The following RHCG variants were observed in gnomAD, a reference collection of about 807,000 sequenced individuals.
The protein encoded by RHCG is ammonium transporter Rh type C.
RHCG carries 39 observed loss-of-function variants against 55.3 expected under a neutral mutation model. The observed-to-expected ratio is 0.70, with a 90% CI of 0.55 to 0.92. The LOEUF is 0.92. Ranked by LOEUF, RHCG falls within the 40% of genes least tolerant of loss-of-function variation. The probability of loss-of-function intolerance (pLI) is 0.00; values close to 1 mark genes in which losing one functional copy is unlikely to be tolerated. For missense variants in RHCG, 635 were observed against 627.9 expected (o/e 1.01, Z -0.12); for synonymous variants, 250 against 246.8 (o/e 1.01, Z -0.12).
chr15:89,477,330 C>A lies in RHCG; in HGVS notation c.1113-124G>T, dbSNP rs116073339. The A allele has an allele frequency of 2.8e-6, 4 of 1,430,692 alleles. No homozygotes were observed. In the African/African-American group the frequency reaches 4.2e-5, roughly 15 times the overall value. The allele number at this position is 1,430,692 out of a possible 1,614,324, so 88.6% of individuals were successfully genotyped here. ...CTTCCCACCCACAACATGGGGACAC[C>A]GGACATATCAGTTGGCCTCTAAAAC... On this transcript the variant is annotated intron_variant, in intron 7 of 10. Transcript: ENST00000268122. The surrounding 1 kb of genome is among the most constrained non-coding windows in gnomAD (Gnocchi z 4.5).
chr15:89,478,668 CTGTG>C (rs1050718603), intron 5 of RHCG, among the ~76,000 whole-genome samples: 2 of 152,314 alleles, frequency 1.3e-5, no homozygotes, highest in African/African-American at 4.8e-5. Flanking sequence ...GTGTGCCAGT[CTGTG>C]TGTCTGATTC....
chr15:89,472,484 C>A (rs1014587573), intron 10 of RHCG, among the ~76,000 whole-genome samples: 1 of 152,200 alleles, frequency 6.6e-6, no homozygotes, highest in African/African-American at 2.4e-5. Context: ...TCCTTCCAGG[C>A]CCTTGTGCCT....
chr15:89,483,504 T>C (rs1961306448), intron 2 of RHCG, among the ~76,000 whole-genome samples: 1 of 152,114 alleles, frequency 6.6e-6, no homozygotes, highest in African/African-American at 2.4e-5. Flanking sequence ...CACCATGTGG[T>C]CTGGTTGCTA....
Position 89,472,828 on chromosome 15 carries a change from C to T in RHCG, c.1347G>A (p.Glu449=). 1 of 1,545,924 alleles carries T rather than the reference C, an allele frequency of 6.5e-7. No homozygotes were observed. The highest frequency in any genetic ancestry group is 2.5e-5 in the East Asian group (1 of 40,766). The change falls in exon 10 of 11, where the codon GAG becomes GAA. Residue 449 remains glutamate (E), a synonymous_variant. Transcript: ENST00000268122. ...GTCCTGAGGGCTTGAAGGTGGGGTCCTCAGGGATGTAGACAGTGCTGTTCC... is the reference window on the plus strand; with the variant it reads ...GTCCTGAGGGCTTGAAGGTGGGGTCTTCAGGGATGTAGACAGTGCTGTTCC... ...PEGNSTVYIP[E]DPTFKPSGPS... is the part of the protein sequence containing the mutation.
chr15:89,492,602 C>T (rs1463717295), intron 1 of RHCG, among the ~76,000 whole-genome samples: 1 of 152,226 alleles, frequency 6.6e-6, no homozygotes, highest in Admixed American at 6.5e-5. Flanking sequence ...GGGGGCTTGG[C>T]TCTGACCCTG....
At position 89,477,906 on chromosome 15, in the gene RHCG, C is replaced by T; in HGVS notation, c.906G>A (p.Met302Ile). ...AGCCGATGATGAGGGCACCGTAAGG[C>T]ATGAGCATCATCTCAGCAGCGGTAC... ...AVGTAAEMMLMPYGALIIGFV... is the reference protein window; with the variant it reads ...AVGTAAEMMLIPYGALIIGFV... Residue 302 changes from methionine (M) to isoleucine (I), a missense_variant, in exon 6 of 11, where the codon ATG becomes ATA. Transcript: ENST00000268122. The surrounding 1 kb of genome is among the most constrained non-coding windows in gnomAD (Gnocchi z 4.5). The T allele has an allele frequency of 8.1e-6, 13 of 1,614,054 alleles. No homozygotes were observed. The highest frequency in any genetic ancestry group is 1.1e-5 in the Non-Finnish European group (13 of 1,179,982).
In RHCG at chr15:89,487,065, G is replaced by C. The variant is rs528694140; in HGVS notation, c.185-80C>G. The C allele has an allele frequency of 4.5e-6, 6 of 1,335,042 alleles. No homozygotes were observed. The East Asian group carries it at 1.4e-4, about 30-fold the overall frequency. 82.7% of individuals were successfully genotyped at this position (1,335,042 alleles called of 1,614,324 possible). A position where few individuals can be genotyped will look rare whatever the true frequency, so the allele number is the denominator to read the frequency against. On this transcript the variant is annotated intron_variant, in intron 1 of 10. Coordinates refer to ENST00000268122, the MANE Select transcript of RHCG (RefSeq NM_016321.3). ...CCTGGGTCTGGGCCAGGAAGGCCGG[G>C]GTAGCCCCTCAGTCTTCCCCGCCAC...
chr15:89,478,280 C>T (rs1244091570), intron 5 of RHCG, among the ~76,000 whole-genome samples: 1 of 152,154 alleles, frequency 6.6e-6, no homozygotes, highest in East Asian at 1.9e-4. Flanking sequence ...TTATGTATAC[C>T]ATGTATACCT....
At chr15:89,496,279 G>A (rs1419715094) in intron 1 of RHCG, 82 bp downstream of exon 1, 3 of 1,451,118 alleles carry the variant, frequency 2.1e-6, no homozygotes, top group Non-Finnish European at 2.9e-6. Flanking sequence ...CCCCTCCTCT[G>A]CCCAGCTCTG....
intron 1 of RHCG, among the ~76,000 whole-genome samples, chr15:89,488,506 C>T (rs1274923409): frequency 6.6e-6 from 1 of 152,208 alleles, no homozygotes. Flanking sequence ...ATTAATATCA[C>T]TCATGCCTCC....
At chr15:89,486,163 C>A in intron 2 of RHCG, 2 of 427,002 alleles carry the variant, frequency 4.7e-6, no homozygotes, top group South Asian at 1.7e-5. Flanking sequence ...GAGGAGGGGG[C>A]AGGGCTTCAG....
chr15:89,485,213 T>A (rs1404287043), intron 2 of RHCG, among the ~76,000 whole-genome samples: 1 of 152,228 alleles, frequency 6.6e-6, no homozygotes, highest in Non-Finnish European at 1.5e-5. Context: ...TTAAAAAAAA[T>A]TCATTTAGCC....
At position 89,477,871 on chromosome 15, in the gene RHCG, C is replaced by T; in HGVS notation, c.941G>A (p.Gly314Asp). The change falls in exon 6 of 11, where the codon GGC becomes GAC. Residue 314 changes from glycine (G) to aspartate (D), a missense_variant. Coordinates refer to ENST00000268122, the MANE Select transcript of RHCG (RefSeq NM_016321.3). The surrounding 1 kb of genome is among the most constrained non-coding windows in gnomAD (Gnocchi z 4.5). The part of the protein sequence containing the change: ...YGALIIGFVC[G>D]IISTLGFVYL... ...TACAAAACCCAGGGTGGAGATGATGCCGCAGACGAAGCCGATGATGAGGGC... is the reference window on the plus strand; with the variant it reads ...TACAAAACCCAGGGTGGAGATGATGTCGCAGACGAAGCCGATGATGAGGGC... 2 of 1,614,112 alleles carry T rather than the reference C, an allele frequency of 1.2e-6. No homozygotes were observed. Among genetic ancestry groups the T allele is most frequent in the Middle Eastern group, 3.3e-4 (2 of 6,062 alleles).
rs778884446 is a variant in RHCG, at chr15:89,477,864, G to A, written c.948C>T (p.Ile316=). Residue 316 remains isoleucine, a synonymous_variant, in exon 6 of 11, where the codon ATC becomes ATT. Transcript: ENST00000268122. The surrounding 1 kb of genome is among the most constrained non-coding windows in gnomAD (Gnocchi z 4.5). ...TCAGGTATACAAAACCCAGGGTGGA[G>A]ATGATGCCGCAGACGAAGCCGATGA... ...ALIIGFVCGI[I]STLGFVYLTP... is the part of the protein sequence containing the mutation. 13 of 1,613,984 alleles carry A rather than the reference G, an allele frequency of 8.1e-6. No individual in the cohort carries two copies. Among genetic ancestry groups the A allele is most frequent in the Middle Eastern group, 1.6e-4 (1 of 6,082 alleles).
Position 89,483,111 on chromosome 15 carries a change from T to G in RHCG, c.478A>C (p.Thr160Pro), listed in dbSNP as rs149304854. 773 of 1,606,760 alleles carry G rather than the reference T, an allele frequency of 4.8e-4. 1 individual carries two copies. The African/African-American group carries it at 9.2e-3, about 19-fold the overall frequency. The change falls in exon 3 of 11, where the codon ACC (threonine) becomes CCC (proline). Residue 160 changes from threonine (T) to proline (P), a missense_variant. By Grantham distance (38) the Thr-to-Pro change is conservative (BLOSUM62 -1). Transcript: ENST00000268122. Reference protein sequence around the residue: ...QLLIMTFFQVTLFAVNEFILL... With the variant: ...QLLIMTFFQVPLFAVNEFILL... ...ATGAACTCATTCACAGCGAAGAGGGTCACTTGGAAGAAAGTCATGATGAGC... is the reference window on the plus strand; with the variant it reads ...ATGAACTCATTCACAGCGAAGAGGGGCACTTGGAAGAAAGTCATGATGAGC...
rs752565241 is a variant in RHCG at position 89,486,833 on chromosome 15, A to G, written c.337T>C (p.Leu113=). Residue 113 remains leucine (L), a synonymous_variant, in exon 2 of 11, where the codon TTA becomes CTA. Transcript: ENST00000268122. ...CCCACGACGATGTAGCGGTCTTGTA[A>G]GAAGTGGAACCAGCCCTGCATGAGC... The part of the protein sequence containing the change: ...ALLMQGWFHF[L]QDRYIVVGVE... 1.3e-5 allele frequency: 21 copies of G among 1,604,492 alleles called. No homozygotes were observed. In the East Asian group the frequency reaches 4.5e-4, roughly 34 times the overall value.
intron 1 of RHCG, among the ~76,000 whole-genome samples, chr15:89,491,118 C>A (rs1015933243): frequency 1.3e-5 from 2 of 152,116 alleles, no homozygotes; most frequent in African/African-American, 4.8e-5. Flanking sequence ...ACCAAGGGAG[C>A]CGCTGCTGCA....
Position 89,471,526 on chromosome 15 carries a change from GA to G in RHCG, c.*353del, listed in dbSNP as rs1961036489. 1 of 152,552 alleles carries G rather than the reference GA, an allele frequency of 6.6e-6. No homozygotes were observed. Among genetic ancestry groups the G allele is most frequent in the Non-Finnish European group, 1.5e-5 (1 of 68,252 alleles). The allele number at this position is 152,552 out of a possible 1,614,324, so 9.4% of individuals were successfully genotyped here. On this transcript the variant is annotated 3_prime_UTR_variant, in exon 11 of 11. Coordinates refer to ENST00000268122, the MANE Select transcript of RHCG (RefSeq NM_016321.3). ...GCCGAGGTGCAGGCACGGGGTAGAA[GA>G]GCCTCATAGGTGGTGACTGGCAGCT...
intron 5 of RHCG, among the ~76,000 whole-genome samples, chr15:89,478,954 G>C (rs1188699597): frequency 6.6e-6 from 1 of 152,056 alleles, no homozygotes; most frequent in Non-Finnish European, 1.5e-5. Context: ...AGCTAACTTA[G>C]CTGGGCGTGG....
Sources: gnomAD v4.1 joint callset for allele counts (sites outside exome capture counted in the v4.1 genomes callset) on GRCh38, gnomAD v4.1.1 for gene constraint, Gnocchi (gnomAD v3.1) non-coding constraint, MANE v1.5 for transcripts, NCBI Gene and HGNC (gene_info 2026-07-23, HGNC 2026-07-21) for gene names.